The following DSCAM variants were observed in gnomAD, a reference collection of about 807,000 sequenced individuals.
The protein encoded by DSCAM is DS cell adhesion molecule, also known as cell adhesion molecule DSCAM.
In DSCAM, 47 loss-of-function variants were observed where a neutral mutation model predicts 217.7. The observed-to-expected ratio is 0.22, with a 90% CI of 0.17 to 0.28. The LOEUF is 0.28. DSCAM is among the 10% of genes least tolerant of loss of function. The pLI is 1.00. For synonymous variants in DSCAM, 1,056 were observed against 1,015.3 expected (o/e 1.04, Z -0.76); for missense variants, 2,080 against 2,618.3 (o/e 0.79, Z 4.49).
At chr21:40,664,536 C>G (rs1358363677) in intron 3 of DSCAM, among the ~76,000 whole-genome samples, 3 of 152,190 alleles carry the variant, frequency 2.0e-5, no homozygotes, top group African/African-American at 7.2e-5. Flanking sequence ...CAAGGAAAGT[C>G]AGCTGTGCCG....
chr21:40,140,452 G>A (rs986609822), intron 18 of DSCAM, among the ~76,000 whole-genome samples: 33 of 152,204 alleles, frequency 2.2e-4, no homozygotes, highest in Admixed American at 4.6e-4. Context: ...GCTAGCAAAT[G>A]TGAGTGAGCT....
At chr21:40,078,623 G>T in intron 26 of DSCAM, 64 bp downstream of exon 26, 1 of 1,566,876 alleles carries the variant, frequency 6.4e-7, no homozygotes, top group South Asian at 1.2e-5. Context: ...ATGGGAAAGG[G>T]GCAGGGCCCA....
chr21:40,822,214 G>A (rs1006272492), intron 1 of DSCAM, among the ~76,000 whole-genome samples: 1 of 151,094 alleles, frequency 6.6e-6, no homozygotes, highest in Admixed American at 6.6e-5. Context: ...AGCTACTCGG[G>A]AGGCTGAGGT....
intron 1 of DSCAM, among the ~76,000 whole-genome samples, chr21:40,777,080 G>A (rs1371657547): frequency 6.6e-6 from 1 of 152,160 alleles, no homozygotes; most frequent in African/African-American, 2.4e-5. Context: ...AGTTCTGGAG[G>A]CCAAGAAGTC....
chr21:40,559,732 GA>G (rs1394903482), intron 3 of DSCAM, among the ~76,000 whole-genome samples: 1 of 150,476 alleles, frequency 6.6e-6, no homozygotes, highest in African/African-American at 2.4e-5. Flanking sequence ...AGATACTTAA[GA>G]ACTTTTTTTC....
chr21:40,829,761 G>A (rs1156574413), intron 1 of DSCAM, among the ~76,000 whole-genome samples: 1 of 152,296 alleles, frequency 6.6e-6, no homozygotes, highest in South Asian at 2.1e-4. Context: ...GGTGACACAT[G>A]CTGCACGTTG....
intron 16 of DSCAM, among the ~76,000 whole-genome samples, chr21:40,160,509 A>G (rs1286708069): frequency 6.6e-6 from 1 of 152,184 alleles, no homozygotes; most frequent in African/African-American, 2.4e-5. Context: ...CCTAGTGAAT[A>G]TTATGCATAG....
chr21:40,764,456 G>C (rs559763389), intron 1 of DSCAM, among the ~76,000 whole-genome samples: 1 of 152,146 alleles, frequency 6.6e-6, no homozygotes, highest in Non-Finnish European at 1.5e-5. Context: ...AACAACAGAC[G>C]CTGGTGAGGA....
At chr21:40,343,946 C>T (rs529830608) in intron 6 of DSCAM, among the ~76,000 whole-genome samples, 29 of 141,424 alleles carry the variant, frequency 2.1e-4, no homozygotes, top group African/African-American at 5.4e-4. Flanking sequence ...CTCTGTCACC[C>T]AGGCTGGAGT....
At chr21:40,353,991 G>A (rs545515798) in intron 4 of DSCAM, among the ~76,000 whole-genome samples, 7 of 152,296 alleles carry the variant, frequency 4.6e-5, no homozygotes, top group African/African-American at 1.7e-4. Context: ...ATGAATAAAA[G>A]ATCCAGAATG....
At chr21:40,700,045 A>T (rs1358969192) in intron 2 of DSCAM, among the ~76,000 whole-genome samples, 1 of 152,236 alleles carries the variant, frequency 6.6e-6, no homozygotes, top group Admixed American at 6.5e-5. Context: ...TTAAGGGTTA[A>T]TGCAGCTGAT....
intron 3 of DSCAM, among the ~76,000 whole-genome samples, chr21:40,661,219 A>T (rs866243048): frequency 6.6e-6 from 1 of 152,250 alleles, no homozygotes; most frequent in Non-Finnish European, 1.5e-5. Flanking sequence ...TCTATGGTTT[A>T]CAGATTCACA....
chr21:40,756,673 T>A (rs1016200316), intron 1 of DSCAM, among the ~76,000 whole-genome samples: 1 of 152,172 alleles, frequency 6.6e-6, no homozygotes, highest in Non-Finnish European at 1.5e-5. Flanking sequence ...ATTACAGGCA[T>A]GAGCCACCAC....
At chr21:40,577,343 GAGA>G in intron 3 of DSCAM, among the ~76,000 whole-genome samples, 1 of 151,850 alleles carries the variant, frequency 6.6e-6, no homozygotes, top group East Asian at 1.9e-4. Flanking sequence ...ACCCCGGGGT[GAGA>G]AGCTGAGGAC....
At chr21:40,644,221 G>T (rs1470715730) in intron 3 of DSCAM, among the ~76,000 whole-genome samples, 3 of 152,320 alleles carry the variant, frequency 2.0e-5, no homozygotes, top group Non-Finnish European at 2.9e-5. Context: ...GGATGAACAC[G>T]CTCTTTCAAA....
chr21:40,160,458 T>C (rs935420438), intron 16 of DSCAM, among the ~76,000 whole-genome samples: 6 of 152,250 alleles, frequency 3.9e-5, no homozygotes, highest in African/African-American at 1.4e-4. Context: ...GTTTTCACTA[T>C]GAATATTACA....
intron 3 of DSCAM, among the ~76,000 whole-genome samples, chr21:40,446,662 T>A (rs1247737472): frequency 6.6e-6 from 1 of 152,198 alleles, no homozygotes; most frequent in African/African-American, 2.4e-5. Context: ...TCAAAGTGAA[T>A]TTCATTTAAG....
intron 16 of DSCAM, 68 bp downstream of exon 16, chr21:40,167,150 A>G (rs1427866113): frequency 1.7e-5 from 24 of 1,429,774 alleles, no homozygotes; most frequent in Non-Finnish European, 2.3e-5. Context: ...GTGTCATAAC[A>G]CTGAACAGGA....
intron 3 of DSCAM, among the ~76,000 whole-genome samples, chr21:40,579,021 A>G (rs375787680): frequency 3.0e-4 from 46 of 152,216 alleles, no homozygotes; most frequent in Non-Finnish European, 5.4e-4. Flanking sequence ...GCATTGTGCA[A>G]AACACAGAAA....
Sources: gnomAD v4.1 joint callset for allele counts (sites outside exome capture counted in the v4.1 genomes callset) on GRCh38, gnomAD v4.1.1 for gene constraint, MANE v1.5 for transcripts, NCBI Gene and HGNC (gene_info 2026-07-23, HGNC 2026-07-21) for gene names.